The following HIP1 variants were observed in gnomAD, a reference collection of about 807,000 sequenced individuals.
HIP1 encodes the protein huntingtin interacting protein 1.
In HIP1, 65 loss-of-function variants were observed where a neutral mutation model predicts 147.6. That is an observed-to-expected ratio of 0.44 (90% CI 0.36 to 0.54). The LOEUF (loss-of-function observed/expected upper bound fraction) is 0.54. Among genes scored for constraint, HIP1 ranks in the 20% least tolerant of loss-of-function variants. HIP1 has a pLI of 0.00. For synonymous variants in HIP1, 479 were observed against 504.0 expected (o/e 0.95, Z 0.67); for missense variants, 1,061 against 1,299.6 (o/e 0.82, Z 2.82).
chr7:75,667,608 C>T (rs1799601767), intron 1 of HIP1, among the ~76,000 whole-genome samples: 1 of 152,158 alleles, frequency 6.6e-6, no homozygotes, highest in African/African-American at 2.4e-5. Flanking sequence ...ATCTCAGCCT[C>T]CCAAGTAGCT....
chr7:75,577,495 T>A (rs587621097), intron 7 of HIP1, among the ~76,000 whole-genome samples: 5 of 152,170 alleles, frequency 3.3e-5, no homozygotes, highest in Non-Finnish European at 5.9e-5. Flanking sequence ...CTATAACTCC[T>A]GGATTCAAGC....
At chr7:75,586,593 T>C (rs1054403213) in intron 5 of HIP1, among the ~76,000 whole-genome samples, 160 bp downstream of exon 5, 7 of 152,110 alleles carry the variant, frequency 4.6e-5, no homozygotes, top group Non-Finnish European at 7.4e-5. Context: ...GGCCTGGCGG[T>C]GGCTTTCCTC....
At chr7:75,552,928 T>C (rs1224599295) in intron 22 of HIP1, among the ~76,000 whole-genome samples, 2 of 151,956 alleles carry the variant, frequency 1.3e-5, no homozygotes, top group African/African-American at 4.8e-5. Flanking sequence ...TGTCTCAAAC[T>C]TCTGGGATCA....
chr7:75,640,525 G>T (rs1285809834), intron 1 of HIP1, among the ~76,000 whole-genome samples: 1 of 152,186 alleles, frequency 6.6e-6, no homozygotes, highest in Non-Finnish European at 1.5e-5. Flanking sequence ...GCTGAGGCAG[G>T]CAGATTGCTT....
In HIP1 at chr7:75,554,526, T is replaced by C; in HGVS notation, c.1964A>G (p.Asp655Gly). ...GGATGTGACCGTGGAGAGGAGGTGA[T>C]CTGTGAGAGGGAACACAGGGCAAGG... is the stretch of plus-strand genomic sequence containing the variant. ...PPLISCAGSA[D>G]HLLSTVTSIS... The change falls in exon 20 of 31, where the codon GAT becomes GGT. Residue 655 changes from aspartate to glycine, a missense_variant and splice_region_variant. By Grantham distance (94) the Asp-to-Gly change is moderately conservative (BLOSUM62 -1). Transcript: ENST00000336926. 6.2e-7 allele frequency: 1 copy of C among 1,612,836 alleles called. No homozygotes were observed. The highest frequency in any genetic ancestry group is 8.5e-7 in the Non-Finnish European group (1 of 1,179,096).
chr7:75,633,194 A>C (rs1284008738), intron 1 of HIP1, among the ~76,000 whole-genome samples: 1 of 152,160 alleles, frequency 6.6e-6, no homozygotes, highest in African/African-American at 2.4e-5. Flanking sequence ...CCCAGTACTT[A>C]CTCATGTGCA....
chr7:75,611,648 CG>C, intron 1 of HIP1: 1 of 1,019,414 alleles, frequency 9.8e-7, no homozygotes, highest in Non-Finnish European at 1.2e-6. Context: ...GCGGGCAGTG[CG>C]GGGCTGGGTG....
chr7:75,592,602 G>GC (rs1469864818), intron 2 of HIP1, 88 bp from the exon 3 acceptor site: 2 of 1,357,400 alleles, frequency 1.5e-6, no homozygotes, highest in Admixed American at 4.8e-5. Flanking sequence ...AGGGGACTGA[G>GC]CCTGCACCCA....
In HIP1 at chr7:75,537,208, A is replaced by G. The variant is rs587739171; in HGVS notation, c.*964T>C. On this transcript the variant is annotated 3_prime_UTR_variant, in exon 31 of 31. Coordinates refer to ENST00000336926, the MANE Select transcript of HIP1 (RefSeq NM_005338.7). ...CTCGTCACGGGAACTGGGCTGTGTG[A>G]ACCCTCTTGTCCCTCTTTCTGTTGT... 1 of 233,114 alleles carries G rather than the reference A, an allele frequency of 4.3e-6. No individual in the cohort carries two copies. Among genetic ancestry groups the G allele is most frequent in the Non-Finnish European group, 8.5e-6 (1 of 117,740 alleles). 14.4% of individuals were successfully genotyped at this position (233,114 alleles called of 1,614,324 possible). A position where few individuals can be genotyped will look rare whatever the true frequency, so the allele number is the denominator to read the frequency against.
At chr7:75,607,841 G>T (rs1797286761) in intron 1 of HIP1, among the ~76,000 whole-genome samples, 1 of 152,044 alleles carries the variant, frequency 6.6e-6, no homozygotes, top group African/African-American at 2.4e-5. Flanking sequence ...CACAACCTCG[G>T]CACTAGACAA....
chr7:75,535,215 G>A lies in HIP1; in HGVS notation c.*2957C>T, dbSNP rs782667457. On this transcript the variant is annotated 3_prime_UTR_variant, in exon 31 of 31. Transcript: ENST00000336926. ...GATGAAGTTTTTAAACATTTCTGTG[G>A]CTTCTTTTTAGAGACAGGATCATTC... 1.4e-5 allele frequency: 3 copies of A among 211,526 alleles called. No homozygotes were observed. Among genetic ancestry groups the A allele is most frequent in the Non-Finnish European group, 2.9e-5 (3 of 104,384 alleles). The allele number at this position is 211,526 out of a possible 1,614,324, so 13.1% of individuals were successfully genotyped here.
At chr7:75,654,872 G>A (rs1444769619) in intron 1 of HIP1, among the ~76,000 whole-genome samples, 3 of 152,052 alleles carry the variant, frequency 2.0e-5, no homozygotes, top group South Asian at 2.1e-4. Context: ...GAAATTAGCC[G>A]GGCATGGTGG....
At chr7:75,599,372 G>T in intron 1 of HIP1, 125 bp from the exon 2 acceptor site, 1 of 739,190 alleles carries the variant, frequency 1.4e-6, no homozygotes, top group Non-Finnish European at 2.3e-6. Flanking sequence ...CCCCACGGGT[G>T]GTCGGTTCCT....
chr7:75,629,163 C>A (rs1316059634), intron 1 of HIP1, among the ~76,000 whole-genome samples: 2 of 152,182 alleles, frequency 1.3e-5, no homozygotes, highest in African/African-American at 4.8e-5. Context: ...GCCCAACCCA[C>A]GGTTTGCAAC....
At chr7:75,591,722 C>CAA (rs1168286308) in intron 4 of HIP1, among the ~76,000 whole-genome samples, 13 of 79,672 alleles carry the variant, frequency 1.6e-4, no homozygotes, top group East Asian at 1.3e-3. Flanking sequence ...CCGTCTCTAC[C>CAA]AAAAAAAAAA....
chr7:75,605,747 G>T (rs587715081), intron 1 of HIP1, among the ~76,000 whole-genome samples: 1 of 152,196 alleles, frequency 6.6e-6, no homozygotes, highest in Non-Finnish European at 1.5e-5. Flanking sequence ...TGTTGGCCAG[G>T]CTGTTCTCAA....
At chr7:75,692,887 G>A (rs1800508721) in intron 1 of HIP1, among the ~76,000 whole-genome samples, 2 of 151,884 alleles carry the variant, frequency 1.3e-5, no homozygotes, top group South Asian at 2.1e-4. Context: ...CGATGCAGCC[G>A]GGCATGGTGT....
chr7:75,693,919 C>CTTTTTTT (rs10628011), intron 1 of HIP1, among the ~76,000 whole-genome samples: 35 of 114,848 alleles, frequency 3.0e-4, no homozygotes, highest in Admixed American at 5.4e-4. Context: ...ATTCTCTTTT[C>CTTTTTTT]TTTTTTTTTT....
At chr7:75,705,839 T>C (rs900705775) in intron 1 of HIP1, among the ~76,000 whole-genome samples, 2 of 152,208 alleles carry the variant, frequency 1.3e-5, no homozygotes, top group Non-Finnish European at 2.9e-5. Context: ...CTTTTGGGTG[T>C]CTATCCAGAA....
Sources: allele counts gnomAD v4.1 joint callset (sites outside exome capture counted in the v4.1 genomes callset), GRCh38; gene constraint gnomAD v4.1.1; transcripts MANE v1.5; gene names NCBI Gene and HGNC (gene_info 2026-07-23, HGNC 2026-07-21).